The following CLYBL variants were observed in gnomAD, a reference collection of about 807,000 sequenced individuals.
CLYBL encodes citramalyl-CoA lyase.
In CLYBL, 31 loss-of-function variants were observed where a neutral mutation model predicts 38.9. That is an observed-to-expected ratio of 0.80 (90% confidence interval 0.60 to 1.08). The LOEUF is 1.08. Among genes scored for constraint, CLYBL ranks in the 50% least tolerant of loss-of-function variants. The pLI is 0.00. For missense variants in CLYBL, 434 were observed against 411.6 expected (o/e 1.05, Z -0.47); for synonymous variants, 171 against 158.6 (o/e 1.08, Z -0.59).
At chr13:99,874,249 C>T (rs1239077697) in intron 7 of CLYBL, among the ~76,000 whole-genome samples, 3 of 152,172 alleles carry the variant, frequency 2.0e-5, no homozygotes, top group Non-Finnish European at 4.4e-5. Context: ...TGTAAGGTTT[C>T]CATCCACAAT....
At chr13:99,776,230 C>T (rs1217493445) in intron 2 of CLYBL, among the ~76,000 whole-genome samples, 1 of 150,044 alleles carries the variant, frequency 6.7e-6, no homozygotes, top group Non-Finnish European at 1.5e-5. Context: ...TGCAGTGGCT[C>T]ACATCAGTAT....
chr13:99,716,328 G>C (rs1216650024), intron 1 of CLYBL, among the ~76,000 whole-genome samples: 2 of 148,314 alleles, frequency 1.3e-5, no homozygotes, highest in Admixed American at 6.7e-5. Context: ...TTTTCAGTTT[G>C]CTGAAATTCT....
chr13:99,851,784 T>G (rs1402142609), intron 2 of CLYBL, among the ~76,000 whole-genome samples: 1 of 152,142 alleles, frequency 6.6e-6, no homozygotes, highest in African/African-American at 2.4e-5. Context: ...AGCGGACAGT[T>G]TCTTAAAAGG....
At chr13:99,640,244 A>G (rs2047074314) in intron 1 of CLYBL, among the ~76,000 whole-genome samples, 1 of 152,206 alleles carries the variant, frequency 6.6e-6, no homozygotes, top group Admixed American at 6.5e-5. Flanking sequence ...AAGATTTAAT[A>G]TATTTGCTCA....
intron 1 of CLYBL, among the ~76,000 whole-genome samples, chr13:99,725,601 G>A (rs1275252953): frequency 1.3e-5 from 2 of 152,204 alleles, no homozygotes; most frequent in African/African-American, 4.8e-5. Context: ...TAACTGTTTT[G>A]ATGTTAGGAT....
intron 1 of CLYBL, among the ~76,000 whole-genome samples, chr13:99,672,053 T>C (rs1312826972): frequency 2.0e-5 from 3 of 152,172 alleles, no homozygotes; most frequent in East Asian, 1.9e-4. Context: ...CTCACATCTT[T>C]TTGTTGATGA....
intron 1 of CLYBL, among the ~76,000 whole-genome samples, chr13:99,772,256 T>A (rs2049411433): frequency 6.6e-6 from 1 of 152,244 alleles, no homozygotes; most frequent in African/African-American, 2.4e-5. Flanking sequence ...AAGAAATACA[T>A]ACACCCTCCT....
chr13:99,895,619 C>T (rs568332480), downstream of CLYBL: 1 of 152,060 alleles, frequency 6.6e-6, no homozygotes. Context: ...GGCGAGCCCG[C>T]GCTTGGGACC....
intron 1 of CLYBL, among the ~76,000 whole-genome samples, chr13:99,667,433 CTTT>C (rs369360327): frequency 0.13 from 16,575 of 127,438 alleles, 849 homozygotes; most frequent in South Asian, 0.21. Context: ...AAGAATCTTG[CTTT>C]TTTTTTTTTT....
chr13:99,737,358 C>T (rs1329551879), intron 1 of CLYBL, among the ~76,000 whole-genome samples: 1 of 152,272 alleles, frequency 6.6e-6, no homozygotes, highest in African/African-American at 2.4e-5. Context: ...CGAGGTGCTT[C>T]GTCAAGGGTT....
At chr13:99,745,161 G>A (rs189386024) in intron 1 of CLYBL, among the ~76,000 whole-genome samples, 136 of 152,300 alleles carry the variant, frequency 8.9e-4, no homozygotes, top group South Asian at 1.7e-3. Context: ...AGATTTTCTG[G>A]TTCTCTCCAT....
At chr13:99,883,694 G>A (rs1399214296) in intron 7 of CLYBL, among the ~76,000 whole-genome samples, 1 of 152,084 alleles carries the variant, frequency 6.6e-6, no homozygotes, top group Non-Finnish European at 1.5e-5. Context: ...AGTTTTGTGT[G>A]TCTGTTATGT....
chr13:99,618,794 A>G (rs1230175959), intron 1 of CLYBL, among the ~76,000 whole-genome samples: 1 of 152,174 alleles, frequency 6.6e-6, no homozygotes, highest in Non-Finnish European at 1.5e-5. Context: ...CTTCACATAC[A>G]TAGACTCACA....
At chr13:99,691,132 A>G (rs1305156116) in intron 1 of CLYBL, among the ~76,000 whole-genome samples, 1 of 152,214 alleles carries the variant, frequency 6.6e-6, no homozygotes, top group African/African-American at 2.4e-5. Context: ...AGCCTCATCC[A>G]TAGATGCCCT....
At chr13:99,811,614 G>T (rs1566336801) in intron 2 of CLYBL, among the ~76,000 whole-genome samples, 1 of 152,150 alleles carries the variant, frequency 6.6e-6, no homozygotes, top group African/African-American at 2.4e-5. Context: ...GGACCTGGTG[G>T]CAGGAGCTCT....
chr13:99,775,528 T>A (rs568622040), intron 2 of CLYBL, among the ~76,000 whole-genome samples: 23 of 151,996 alleles, frequency 1.5e-4, no homozygotes, highest in Admixed American at 3.3e-4. Flanking sequence ...ATTAAAAAAA[T>A]TTTTTTTGGT....
chr13:99,683,290 C>T (rs1290733263), intron 1 of CLYBL, among the ~76,000 whole-genome samples: 1 of 150,924 alleles, frequency 6.6e-6, no homozygotes, highest in Non-Finnish European at 1.5e-5. Context: ...CCATTTTGGC[C>T]AGGCTGGTCT....
chr13:99,608,284 G>C (rs1043647017), intron 1 of CLYBL, among the ~76,000 whole-genome samples: 43 of 151,668 alleles, frequency 2.8e-4, no homozygotes, highest in African/African-American at 9.4e-4. Flanking sequence ...TGTTGGCCAG[G>C]CTGGTCTGGA....
At chr13:99,676,178 C>CTCCG (rs147767966) in intron 1 of CLYBL, among the ~76,000 whole-genome samples, 2,163 of 136,680 alleles carry the variant, frequency 0.016, 42 homozygotes, top group Admixed American at 0.018. Flanking sequence ...CCTTCCTTCC[C>CTCCG]TCCGTCCGTC....
Sources: allele counts gnomAD v4.1 joint callset (sites outside exome capture counted in the v4.1 genomes callset), GRCh38; gene constraint gnomAD v4.1.1; transcripts MANE v1.5; gene names NCBI Gene and HGNC (gene_info 2026-07-23, HGNC 2026-07-21).